The following AUTS2 variants were observed in gnomAD, a reference collection of about 807,000 sequenced individuals.
AUTS2 encodes the protein autism susceptibility gene 2 protein.
AUTS2 carries 17 observed loss-of-function variants against 112.4 expected under a neutral mutation model. The observed-to-expected ratio is 0.15, with a 90% confidence interval of 0.10 to 0.23. AUTS2 has a LOEUF of 0.23. Ranked by LOEUF, AUTS2 falls within the 10% of genes least tolerant of loss-of-function variation. The pLI is 1.00. For missense variants in AUTS2, 1,510 were observed against 1,701.6 expected, an observed-to-expected ratio of 0.89 and a Z score of 1.98; for synonymous variants, 751 against 702.7, an observed-to-expected ratio of 1.07 and a Z score of -1.09.
At chr7:70,680,995 T>C (rs1808177946) in intron 5 of AUTS2, among the ~76,000 whole-genome samples, 2 of 152,232 alleles carry the variant, frequency 1.3e-5, no homozygotes, top group Non-Finnish European at 1.5e-5. Flanking sequence ...CTACATTTTT[T>C]TCTCTCCTGG....
intron 1 of AUTS2, among the ~76,000 whole-genome samples, chr7:69,820,563 A>C (rs990638174): frequency 5.3e-5 from 8 of 152,242 alleles, no homozygotes; most frequent in African/African-American, 1.9e-4. Flanking sequence ...ACATAGAATT[A>C]AGGGCTTCCT....
intron 2 of AUTS2, among the ~76,000 whole-genome samples, chr7:69,914,356 G>GACACACACACACACACACAC (rs66527808): frequency 1.8e-4 from 24 of 136,076 alleles, no homozygotes; most frequent in African/African-American, 3.6e-4. Flanking sequence ...CACACACACA[G>GACACACACACACACACACAC]ACACACACAC....
chr7:70,015,803 C>CT (rs59809437), intron 2 of AUTS2, among the ~76,000 whole-genome samples: 11,506 of 138,902 alleles, frequency 0.083, 596 homozygotes, highest in African/African-American at 0.14. Context: ...TAAATATTCA[C>CT]TTTTTTTTTT....
intron 5 of AUTS2, among the ~76,000 whole-genome samples, chr7:70,608,168 G>C (rs1464708880): frequency 2.0e-5 from 3 of 152,076 alleles, no homozygotes; most frequent in African/African-American, 7.2e-5. Flanking sequence ...CAATGGCACA[G>C]TCATAGTTCA....
At chr7:70,239,004 G>A (rs1812468752) in intron 4 of AUTS2, among the ~76,000 whole-genome samples, 1 of 152,114 alleles carries the variant, frequency 6.6e-6, no homozygotes. Flanking sequence ...CAGGAGGGAG[G>A]CAGTTACCGA....
At chr7:70,530,029 A>T (rs1800013370) in intron 5 of AUTS2, among the ~76,000 whole-genome samples, 1 of 152,178 alleles carries the variant, frequency 6.6e-6, no homozygotes, top group Admixed American at 6.5e-5. Flanking sequence ...CCCAATTTCC[A>T]CTGGGAGCCA....
chr7:69,963,502 T>G (rs1021936123), intron 2 of AUTS2, among the ~76,000 whole-genome samples: 44 of 152,122 alleles, frequency 2.9e-4, no homozygotes, highest in African/African-American at 7.7e-4. Context: ...CAGGTGAAGT[T>G]TCTGAGTGGA....
chr7:70,558,810 A>G (rs1585301279), intron 5 of AUTS2, among the ~76,000 whole-genome samples: 1 of 152,356 alleles, frequency 6.6e-6, no homozygotes, highest in Admixed American at 6.5e-5. Context: ...TATGAATGTA[A>G]CGTGTTGCTG....
chr7:70,781,518 A>T, intron 14 of AUTS2, 97 bp from the exon 15 acceptor site: 1 of 1,442,062 alleles, frequency 6.9e-7, no homozygotes, highest in Non-Finnish European at 9.4e-7. Flanking sequence ...ACTTGAACCC[A>T]AGTGCACCGT....
chr7:69,791,168 TG>T (rs1423480779), intron 1 of AUTS2, among the ~76,000 whole-genome samples: 1 of 152,236 alleles, frequency 6.6e-6, no homozygotes, highest in Non-Finnish European at 1.5e-5. Context: ...GCTGACATCT[TG>T]TCATCTGCTC....
chr7:70,776,997 C>T lies in AUTS2; in HGVS notation c.1933-106C>T, dbSNP rs372536661. The T allele has an allele frequency of 4.1e-5, 44 of 1,061,752 alleles. No individual in the cohort carries two copies. In the East Asian group the frequency reaches 5.6e-4, roughly 13 times the overall value. 65.8% of individuals were successfully genotyped at this position (1,061,752 alleles called of 1,614,324 possible). On this transcript the variant is annotated intron_variant, in intron 13 of 18. Transcript: ENST00000342771. ...GAGAGTACAAAGCACTCTTGTTTCA[C>T]GAAAAAAGCCTCTGCAGCCAAAATC...
intron 1 of AUTS2, among the ~76,000 whole-genome samples, chr7:69,879,418 G>A (rs994778831): frequency 2.7e-4 from 41 of 151,836 alleles, no homozygotes; most frequent in Middle Eastern, 3.2e-3. Context: ...CCAAAGTGGT[G>A]GGATTGCAGG....
intron 4 of AUTS2, among the ~76,000 whole-genome samples, chr7:70,407,552 G>C (rs766138843): frequency 6.6e-6 from 1 of 152,154 alleles, no homozygotes; most frequent in Admixed American, 6.5e-5. Flanking sequence ...GTACATGCCC[G>C]TCACATAAAG....
chr7:70,321,710 A>G (rs201427319), intron 4 of AUTS2, among the ~76,000 whole-genome samples: 23 of 152,318 alleles, frequency 1.5e-4, no homozygotes, highest in African/African-American at 5.5e-4. Flanking sequence ...AAATATGCAG[A>G]TAGTTGGGAC....
intron 4 of AUTS2, among the ~76,000 whole-genome samples, chr7:70,166,214 A>T (rs184775367): frequency 6.6e-6 from 1 of 152,302 alleles, no homozygotes; most frequent in African/African-American, 2.4e-5. Flanking sequence ...GACCAATATG[A>T]GTCAAATCTA....
At chr7:70,709,808 C>T (rs1809951130) in intron 6 of AUTS2, among the ~76,000 whole-genome samples, 1 of 152,204 alleles carries the variant, frequency 6.6e-6, no homozygotes. Context: ...AGATTCTGAA[C>T]ACTTAGCATT....
intron 4 of AUTS2, among the ~76,000 whole-genome samples, chr7:70,265,367 C>CT (rs1482746419): frequency 5.9e-5 from 9 of 151,516 alleles, no homozygotes; most frequent in Admixed American, 1.3e-4. Context: ...TGCAGTTTGT[C>CT]TTTTTTTTAA....
At chr7:70,672,783 A>G (rs1250055307) in intron 5 of AUTS2, among the ~76,000 whole-genome samples, 1 of 151,934 alleles carries the variant, frequency 6.6e-6, no homozygotes, top group African/African-American at 2.4e-5. Context: ...TTGTATTTTT[A>G]GTAGAGACGG....
chr7:69,880,167 G>T (rs930365759), intron 1 of AUTS2, among the ~76,000 whole-genome samples: 2 of 152,164 alleles, frequency 1.3e-5, no homozygotes, highest in South Asian at 4.1e-4. Context: ...GCAGGAGGAA[G>T]AAAGTGGGGG....
Sources: allele counts gnomAD v4.1 joint callset (sites outside exome capture counted in the v4.1 genomes callset), GRCh38; gene constraint gnomAD v4.1.1; transcripts MANE v1.5; gene names NCBI Gene and HGNC (gene_info 2026-07-23, HGNC 2026-07-21).